The following MALRD1 variants were observed in gnomAD, a reference collection of about 807,000 sequenced individuals.
MALRD1 encodes the protein MAM and LDL-receptor class A domain-containing protein 1.
A neutral mutation model predicts 242.1 loss-of-function variants in MALRD1; 247 were observed. The observed-to-expected ratio is 1.02, with a 90% CI of 0.92 to 1.13. The LOEUF is 1.13. MALRD1 is among the 50% of genes most tolerant of loss of function. MALRD1 has a pLI of 0.00. For missense variants in MALRD1, 2,989 were observed against 2,533.1 expected, an observed-to-expected ratio of 1.18 and a Z score of -3.86; for synonymous variants, 995 against 866.6, an observed-to-expected ratio of 1.15 and a Z score of -2.60.
intron 28 of MALRD1, among the ~76,000 whole-genome samples, chr10:19,449,518 T>C (rs1055921610): frequency 1.3e-5 from 2 of 151,102 alleles, no homozygotes; most frequent in Non-Finnish European, 2.9e-5. Context: ...AGTAGATTAA[T>C]ATGCCTCTGT....
chr10:19,232,596 G>A (rs1054566222), intron 18 of MALRD1, among the ~76,000 whole-genome samples: 1 of 152,110 alleles, frequency 6.6e-6, no homozygotes, highest in Non-Finnish European at 1.5e-5. Context: ...AAGTGAGATT[G>A]TTATCTAGGA....
rs149060556 is a variant in MALRD1, at chr10:19,230,388, AG to A, written c.2991+20715del. Among the ~76,000 whole-genome samples the A allele has an allele frequency of 5.9e-5, 9 of 152,060 alleles. No individual in the cohort carries two copies. In the South Asian group the frequency reaches 8.3e-4, roughly 14 times the overall value. ...AAGCATAGTACTGGCACCTGCTTCCAGGGGGGGCCTCAGGAAGCTTCCAATC... is the reference window on the plus strand; with the variant it reads ...AAGCATAGTACTGGCACCTGCTTCCAGGGGGGCCTCAGGAAGCTTCCAATC... On this transcript the variant is annotated intron_variant, in intron 18 of 39. Transcript: ENST00000454679.
At chr10:19,242,700 A>G (rs972265097) in intron 18 of MALRD1, among the ~76,000 whole-genome samples, 1 of 151,928 alleles carries the variant, frequency 6.6e-6, no homozygotes, top group African/African-American at 2.4e-5. Flanking sequence ...TTTTTTATAT[A>G]GTTTTTTTAT....
chr10:19,350,874 T>C (rs1564585102), intron 25 of MALRD1, among the ~76,000 whole-genome samples: 1 of 152,198 alleles, frequency 6.6e-6, no homozygotes, highest in African/African-American at 2.4e-5. Flanking sequence ...GGTTGGCCCC[T>C]GGCCACTTTG....
chr10:19,717,566 C>A (rs2131891974), intron 38 of MALRD1, among the ~76,000 whole-genome samples: 1 of 152,266 alleles, frequency 6.6e-6, no homozygotes, highest in Non-Finnish European at 1.5e-5. Context: ...CTTGAAATTT[C>A]AGTGAATATT....
intron 39 of MALRD1, among the ~76,000 whole-genome samples, chr10:19,733,767 T>C (rs1835386392): frequency 6.6e-6 from 1 of 150,840 alleles, no homozygotes; most frequent in African/African-American, 2.4e-5. Flanking sequence ...TGAAATGGCA[T>C]TTAAACTTAT....
intron 36 of MALRD1, among the ~76,000 whole-genome samples, chr10:19,637,129 C>A (rs891411270): frequency 6.6e-6 from 1 of 151,972 alleles, no homozygotes; most frequent in African/African-American, 2.4e-5. Context: ...TTTACTTTTT[C>A]CTTCACCTTT....
rs1283785972 is a variant in MALRD1, at chr10:19,066,987, GA to G, written c.340+130del. On this transcript the variant is annotated intron_variant, in intron 2 of 39. Transcript: ENST00000454679. The stretch of plus-strand genomic sequence containing the variant: ...CACCACATGTTTAATTAGGGAAGCA[GA>G]ATCTTGTCTGATATTTACATATTTG... 14 of 616,622 alleles carry G rather than the reference GA, an allele frequency of 2.3e-5. No individual in the cohort carries two copies. In the African/African-American group the frequency reaches 2.5e-4, roughly 11 times the overall value. 38.2% of individuals were successfully genotyped at this position (616,622 alleles called of 1,614,324 possible). A position where few individuals can be genotyped will look rare whatever the true frequency, so the allele number is the denominator to read the frequency against.
At chr10:19,517,035 G>A (rs1296485464) in intron 31 of MALRD1, among the ~76,000 whole-genome samples, 6 of 152,178 alleles carry the variant, frequency 3.9e-5, no homozygotes, top group African/African-American at 1.4e-4. Flanking sequence ...GGTTTGAGAC[G>A]AGGGGTTTTA....
intron 36 of MALRD1, among the ~76,000 whole-genome samples, chr10:19,621,351 TAAAAA>T (rs56041015): frequency 3.3e-5 from 4 of 121,874 alleles, no homozygotes; most frequent in Non-Finnish European, 6.7e-5. Context: ...TAAAAATATG[TAAAAA>T]AAAAAAAAAA....
chr10:19,346,517 A>T (rs972525862), intron 24 of MALRD1, among the ~76,000 whole-genome samples: 20 of 152,306 alleles, frequency 1.3e-4, no homozygotes, highest in African/African-American at 4.6e-4. Flanking sequence ...TAATATTTGG[A>T]CACTTATTTC....
rs80193123 is a variant in MALRD1 at position 19,258,531 on chromosome 10, A to G, written c.3079+760A>G. Among the ~76,000 whole-genome samples the G allele has an allele frequency of 6.4e-3, 977 of 152,188 alleles. 11 individuals are homozygous for G. Among genetic ancestry groups the G allele is most frequent in the African/African-American group, 0.022 (900 of 41,528 alleles). On this transcript the variant is annotated intron_variant, in intron 19 of 39. Transcript: ENST00000454679. The stretch of plus-strand genomic sequence containing the variant: ...AGGCTGGGGCCCAACAACATTCTCA[A>G]TTGCCGAAAACGTAACATTCATCCC...
chr10:19,220,320 G>C (rs1171816159), intron 18 of MALRD1, among the ~76,000 whole-genome samples: 1 of 152,100 alleles, frequency 6.6e-6, no homozygotes, highest in African/African-American at 2.4e-5. Context: ...GGCTCAACTT[G>C]TAGAGGCTGT....
At chr10:19,592,299 A>G (rs904557325) in intron 33 of MALRD1, among the ~76,000 whole-genome samples, 9 of 152,230 alleles carry the variant, frequency 5.9e-5, no homozygotes, top group Non-Finnish European at 1.2e-4. Flanking sequence ...TGCAGGTGCA[A>G]TAAGAGGCTC....
At chr10:19,370,981 G>A (rs1240753259) in intron 26 of MALRD1, among the ~76,000 whole-genome samples, 1 of 150,668 alleles carries the variant, frequency 6.6e-6, no homozygotes, top group Non-Finnish European at 1.5e-5. Context: ...CAAAATTTAG[G>A]GCTTTTTTTT....
At chr10:19,424,616 T>G (rs1044384892) in intron 28 of MALRD1, among the ~76,000 whole-genome samples, 4 of 152,224 alleles carry the variant, frequency 2.6e-5, no homozygotes, top group Admixed American at 2.6e-4. Flanking sequence ...ATTTTCAGTG[T>G]TACAATTAAA....
intron 33 of MALRD1, among the ~76,000 whole-genome samples, chr10:19,587,103 C>G (rs1019411243): frequency 6.6e-6 from 1 of 152,216 alleles, no homozygotes; most frequent in Non-Finnish European, 1.5e-5. Flanking sequence ...GGTGCATGCA[C>G]CCACTGACCT....
chr10:19,295,023 G>A (rs1841627208), intron 21 of MALRD1, among the ~76,000 whole-genome samples: 1 of 151,980 alleles, frequency 6.6e-6, no homozygotes, highest in African/African-American at 2.4e-5. Flanking sequence ...TGAGTCAAGA[G>A]TATTCCATTA....
intron 34 of MALRD1, 64 bp downstream of exon 34, chr10:19,595,521 G>C: frequency 6.2e-6 from 9 of 1,461,192 alleles, no homozygotes; most frequent in Non-Finnish European, 7.3e-6. Context: ...GAGAAAGAAA[G>C]CTCGACAGAT....
Sources: allele counts gnomAD v4.1 joint callset (sites outside exome capture counted in the v4.1 genomes callset), GRCh38; gene constraint gnomAD v4.1.1; transcripts MANE v1.5; gene names NCBI Gene and HGNC (gene_info 2026-07-23, HGNC 2026-07-21).